Variants in EVI5 observed in about 807,000 individuals in gnomAD.
EVI5 encodes the protein ecotropic viral integration site 5 protein homolog.
In EVI5, 73 loss-of-function variants were observed where a neutral mutation model predicts 112.0. The ratio of observed to expected loss-of-function variants is 0.65; its 90% CI spans 0.54 to 0.79. EVI5 has a LOEUF of 0.79. EVI5 is among the 30% of genes least tolerant of loss of function. The probability of loss-of-function intolerance (pLI) is 0.00; values close to 1 mark genes in which losing one functional copy is unlikely to be tolerated. For synonymous variants in EVI5, 305 were observed against 319.9 expected, an observed-to-expected ratio of 0.95 and a Z score of 0.50; for missense variants, 900 against 968.8, an observed-to-expected ratio of 0.93 and a Z score of 0.94.
chr1:92,690,645 T>C (rs1669347207), intron 9 of EVI5, among the ~76,000 whole-genome samples: 2 of 152,144 alleles, frequency 1.3e-5, no homozygotes, highest in African/African-American at 4.8e-5. Flanking sequence ...CCACTGTGCC[T>C]GGCCCTCAAT....
At chr1:92,631,028 C>A (rs574009257) in intron 14 of EVI5, among the ~76,000 whole-genome samples, 4 of 152,212 alleles carry the variant, frequency 2.6e-5, no homozygotes, top group African/African-American at 9.6e-5. Flanking sequence ...TGTTCTGTTC[C>A]ATTGATCTAT....
chr1:92,600,641 T>A (rs1004536728), intron 18 of EVI5, among the ~76,000 whole-genome samples: 1 of 152,140 alleles, frequency 6.6e-6, no homozygotes, highest in Non-Finnish European at 1.5e-5. Flanking sequence ...CATTAGATTC[T>A]CTCATAAGGA....
intron 18 of EVI5, among the ~76,000 whole-genome samples, chr1:92,599,700 A>G (rs760829937): frequency 6.6e-6 from 1 of 152,208 alleles, no homozygotes; most frequent in Non-Finnish European, 1.5e-5. Flanking sequence ...GAAGTTCAGA[A>G]AAATACAGCA....
intron 18 of EVI5, among the ~76,000 whole-genome samples, chr1:92,591,850 T>C (rs575459965): frequency 2.0e-5 from 3 of 152,290 alleles, no homozygotes; most frequent in East Asian, 1.9e-4. Context: ...ATTGACCATA[T>C]AGTTGGAAGT....
rs138450237 is a variant in EVI5 at position 92,597,876 on chromosome 1, T to C, written c.2070+7431A>G. On this transcript the variant is annotated intron_variant, in intron 18 of 19. Coordinates refer to ENST00000684568, the MANE Select transcript of EVI5 (RefSeq NM_001350197.2). The stretch of plus-strand genomic sequence containing the variant: ...GAGTTCTAGATCAGCCTGGGCAACA[T>C]AGCCAAATTCCATCTCTACACAAAA... 2.8e-3 allele frequency among the ~76,000 whole-genome samples: 422 copies of C among 152,210 alleles called. 6 individuals carry two copies. The highest frequency in any genetic ancestry group is 9.7e-3 in the African/African-American group (403 of 41,526).
chr1:92,742,425 C>T (rs762260673), intron 1 of EVI5, among the ~76,000 whole-genome samples: 11 of 151,994 alleles, frequency 7.2e-5, no homozygotes, highest in Non-Finnish European at 1.0e-4. Context: ...GTAATCCCAG[C>T]ACTTCGGGAG....
At chr1:92,568,276 T>C (rs1669791734) in intron 18 of EVI5, among the ~76,000 whole-genome samples, 1 of 148,248 alleles carries the variant, frequency 6.7e-6, no homozygotes, top group South Asian at 2.1e-4. Context: ...CCAGGGAGGG[T>C]AAGGCGGGCG....
chr1:92,759,991 G>A (rs1340962320), intron 1 of EVI5, among the ~76,000 whole-genome samples: 1 of 151,754 alleles, frequency 6.6e-6, no homozygotes, highest in Non-Finnish European at 1.5e-5. Flanking sequence ...AGTTTTAATA[G>A]TTTGCTCTGG....
chr1:92,561,611 A>ATCTG (rs1668601515), intron 19 of EVI5, among the ~76,000 whole-genome samples: 1 of 23,336 alleles, frequency 4.3e-5, no homozygotes, highest in Admixed American at 3.6e-4. Flanking sequence ...AATCTATCCT[A>ATCTG]TCTATCTATC....
At chr1:92,598,350 T>C (rs948194207) in intron 18 of EVI5, among the ~76,000 whole-genome samples, 1 of 152,044 alleles carries the variant, frequency 6.6e-6, no homozygotes, top group Non-Finnish European at 1.5e-5. Flanking sequence ...CCCCATGACA[T>C]GTGTTTATCT....
intron 9 of EVI5, among the ~76,000 whole-genome samples, chr1:92,692,027 A>G (rs1156951800): frequency 6.6e-6 from 1 of 152,216 alleles, no homozygotes; most frequent in Non-Finnish European, 1.5e-5. Flanking sequence ...CAATCTCAGT[A>G]ACTATGCAAT....
chr1:92,754,810 G>A (rs1271975512), intron 1 of EVI5, among the ~76,000 whole-genome samples: 1 of 152,104 alleles, frequency 6.6e-6, no homozygotes, highest in African/African-American at 2.4e-5. Flanking sequence ...ATTCAACATG[G>A]GAAGAAAGCG....
chr1:92,727,248 G>T (rs1029728284), intron 2 of EVI5, among the ~76,000 whole-genome samples: 12 of 152,094 alleles, frequency 7.9e-5, no homozygotes, highest in African/African-American at 2.7e-4. Context: ...TCTTTTTGGG[G>T]TGATGGAAAT....
At chr1:92,752,500 A>G (rs1298683203) in intron 1 of EVI5, among the ~76,000 whole-genome samples, 1 of 151,968 alleles carries the variant, frequency 6.6e-6, no homozygotes, top group African/African-American at 2.4e-5. Context: ...CTTAATACAG[A>G]TATTTTTTTC....
chr1:92,789,194 TTTTG>T (rs1238590519), upstream of EVI5, among the ~76,000 whole-genome samples: 1 of 152,140 alleles, frequency 6.6e-6, no homozygotes, highest in Non-Finnish European at 1.5e-5. Flanking sequence ...TGTTTTGTCT[TTTTG>T]TTTGTTTGAG....
At chr1:92,674,841 T>A (rs1369282086) in intron 10 of EVI5, among the ~76,000 whole-genome samples, 1 of 152,116 alleles carries the variant, frequency 6.6e-6, no homozygotes, top group Non-Finnish European at 1.5e-5. Context: ...AAGAACTACA[T>A]GGAAACAATA....
At chr1:92,563,842 C>T in intron 18 of EVI5, 105 bp from the exon 19 acceptor site, 1 of 551,986 alleles carries the variant, frequency 1.8e-6, no homozygotes, top group Non-Finnish European at 3.3e-6. Context: ...ACCCTTTAAT[C>T]ACCTGAATTC....
chr1:92,702,808 A>AT (rs1335673496), intron 4 of EVI5, among the ~76,000 whole-genome samples: 1 of 92,238 alleles, frequency 1.1e-5, no homozygotes, highest in Non-Finnish European at 2.5e-5. Context: ...CTCCATCTCA[A>AT]AAAAAAAAAA....
At chr1:92,640,421 A>G (rs1659713956) in intron 13 of EVI5, among the ~76,000 whole-genome samples, 1 of 152,204 alleles carries the variant, frequency 6.6e-6, no homozygotes, top group African/African-American at 2.4e-5. Flanking sequence ...AGAGAAAAAC[A>G]ACCCCATCAA....
Sources: allele counts gnomAD v4.1 joint callset (sites outside exome capture counted in the v4.1 genomes callset), GRCh38; gene constraint gnomAD v4.1.1; transcripts MANE v1.5; gene names NCBI Gene and HGNC (gene_info 2026-07-23, HGNC 2026-07-21).